Variants in RBPJ observed in about 807,000 individuals in gnomAD.
The protein encoded by RBPJ is recombination signal binding protein for immunoglobulin kappa J region.
RBPJ carries 9 observed loss-of-function variants against 67.8 expected under a neutral mutation model. The observed-to-expected ratio is 0.13, with a 90% CI of 0.08 to 0.23. The LOEUF (loss-of-function observed/expected upper bound fraction) is 0.23. Among genes scored for constraint, RBPJ ranks in the 10% least tolerant of loss-of-function variants. RBPJ has a pLI of 1.00. For synonymous variants in RBPJ, 198 were observed against 203.3 expected (o/e 0.97, Z 0.22); for missense variants, 305 against 595.6 (o/e 0.51, Z 5.08).
chr4:26,338,096 T>TG (rs1725063715), intron 1 of RBPJ, among the ~76,000 whole-genome samples: 1 of 149,112 alleles, frequency 6.7e-6, no homozygotes, highest in African/African-American at 2.5e-5. Context: ...TTTTTTGTTG[T>TG]TTTTTTTTCA....
At chr4:26,116,681 C>A in the RBPJ span, among the ~76,000 whole-genome samples, 1 of 152,206 alleles carries the variant, frequency 6.6e-6, no homozygotes, top group Non-Finnish European at 1.5e-5. Context: ...CTGATCAACC[C>A]ACACAAGGTG....
chr4:26,354,114 G>A (rs1174829313), intron 1 of RBPJ, among the ~76,000 whole-genome samples: 2 of 151,564 alleles, frequency 1.3e-5, no homozygotes, highest in East Asian at 3.9e-4. Flanking sequence ...GTATTTTTTA[G>A]TAGAGACGGG....
the RBPJ span, among the ~76,000 whole-genome samples, chr4:26,132,654 C>G: frequency 6.6e-6 from 1 of 152,198 alleles, no homozygotes; most frequent in African/African-American, 2.4e-5. Context: ...TCTTCGCTGG[C>G]CATAGCCTCA....
intron 1 of RBPJ, among the ~76,000 whole-genome samples, chr4:26,168,693 C>T (rs1716422665): frequency 6.6e-6 from 1 of 152,260 alleles, no homozygotes; most frequent in Non-Finnish European, 1.5e-5. Context: ...TTCTCCCCGT[C>T]ACTTTCAGGT....
At chr4:26,218,920 T>C (rs1718810499) in intron 1 of RBPJ, among the ~76,000 whole-genome samples, 1 of 152,102 alleles carries the variant, frequency 6.6e-6, no homozygotes, top group Admixed American at 6.6e-5. Flanking sequence ...AGGCCTTCTC[T>C]CCAGAGCTCC....
Position 26,282,767 on chromosome 4 carries a change from C to T in RBPJ, c.-166-79679C>T, listed in dbSNP as rs145236637. Among the ~76,000 whole-genome samples, 658 of 152,152 alleles carry T rather than the reference C, an allele frequency of 4.3e-3. 5 individuals carry two copies. Among genetic ancestry groups the T allele is most frequent in the African/African-American group, 0.015 (628 of 41,510 alleles). ...TACTCCTGACCTCAGGTGATCCACC[C>T]ACCTTGGCCTCCCAAAGTGCTGGGA... On this transcript the variant is annotated intron_variant, in intron 1 of 4. Coordinates refer to the RBPJ transcript ENST00000512351.
At chr4:26,269,937 T>A (rs1259241823) in intron 1 of RBPJ, among the ~76,000 whole-genome samples, 1 of 151,924 alleles carries the variant, frequency 6.6e-6, no homozygotes, top group Non-Finnish European at 1.5e-5. Flanking sequence ...AATGAAACAT[T>A]GTGGAAGAAT....
At chr4:26,397,372 C>T (rs1197426430) in intron 2 of RBPJ, among the ~76,000 whole-genome samples, 1 of 152,120 alleles carries the variant, frequency 6.6e-6, no homozygotes, top group Non-Finnish European at 1.5e-5. Context: ...TTGAGCTGAG[C>T]TTTCTGAACC....
intron 1 of RBPJ, among the ~76,000 whole-genome samples, chr4:26,165,451 T>A (rs1437334888): frequency 6.6e-6 from 1 of 152,182 alleles, no homozygotes; most frequent in Non-Finnish European, 1.5e-5. Context: ...AGAATTTCCA[T>A]GAATGAATTA....
intron 1 of RBPJ, among the ~76,000 whole-genome samples, chr4:26,338,648 TCCCTGAAA>T (rs2109387103): frequency 6.6e-6 from 1 of 151,020 alleles, no homozygotes; most frequent in African/African-American, 2.4e-5. Flanking sequence ...CGATCTTGGC[TCCCTGAAA>T]CCTCTGCCTC....
intron 1 of RBPJ, among the ~76,000 whole-genome samples, chr4:26,358,647 G>A (rs1317631041): frequency 6.6e-6 from 1 of 150,482 alleles, no homozygotes; most frequent in Non-Finnish European, 1.5e-5. Flanking sequence ...AGTGGGGTAC[G>A]TGGTGCATGC....
In RBPJ at chr4:26,314,148, ACT is replaced by A. The variant is rs763228539; in HGVS notation, c.-166-48297_-166-48296del. On this transcript the variant is annotated intron_variant, in intron 1 of 4. Transcript: ENST00000512351. The stretch of plus-strand genomic sequence containing the variant: ...ATACGCAAATAAGTATATATATATC[ACT>A]GTTTTGCAGTTTTTTAAACTTTGTG... 3.6e-4 allele frequency among the ~76,000 whole-genome samples: 55 copies of A among 152,062 alleles called. 2 individuals are homozygous for A. The highest frequency in any genetic ancestry group is 6.6e-5 in the Admixed American group (1 of 15,266).
intron 1 of RBPJ, among the ~76,000 whole-genome samples, chr4:26,297,222 G>A (rs758915823): frequency 2.0e-5 from 3 of 152,108 alleles, no homozygotes; most frequent in Non-Finnish European, 2.9e-5. Context: ...CTTGAACCTG[G>A]GAGGTCAAGG....
chr4:26,202,227 A>G (rs1378016830), intron 1 of RBPJ, among the ~76,000 whole-genome samples: 1 of 151,954 alleles, frequency 6.6e-6, no homozygotes, highest in African/African-American at 2.4e-5. Flanking sequence ...ATCATTTCCA[A>G]AGGAATCTCC....
chr4:26,345,365 G>A (rs2109417109), intron 1 of RBPJ, among the ~76,000 whole-genome samples: 1 of 152,300 alleles, frequency 6.6e-6, no homozygotes, highest in South Asian at 2.1e-4. Flanking sequence ...TTTCCCAGTT[G>A]TCATAGATAG....
At chr4:26,330,425 A>G (rs879283046) in intron 1 of RBPJ, among the ~76,000 whole-genome samples, 5 of 152,218 alleles carry the variant, frequency 3.3e-5, no homozygotes, top group African/African-American at 4.8e-5. Flanking sequence ...TTCAGCATAG[A>G]TAGGTTTTTC....
At chr4:26,282,566 G>C (rs1419743921) in intron 1 of RBPJ, among the ~76,000 whole-genome samples, 4 of 151,488 alleles carry the variant, frequency 2.6e-5, no homozygotes, top group Non-Finnish European at 5.9e-5. Context: ...TGTTGCCCAG[G>C]CTGAAGTGCA....
chr4:26,319,646 T>A (rs545085233), upstream of RBPJ: 22 of 614,136 alleles, frequency 3.6e-5, no homozygotes, highest in Non-Finnish European at 5.0e-5. Flanking sequence ...ACGGCCGTGT[T>A]GTGTCTGAGC....
intron 1 of RBPJ, among the ~76,000 whole-genome samples, chr4:26,189,007 T>A (rs993867081): frequency 3.3e-5 from 5 of 152,208 alleles, no homozygotes; most frequent in Non-Finnish European, 7.3e-5. Flanking sequence ...GGCAAGATAG[T>A]CTTTCCTTAA....
Sources: allele counts gnomAD v4.1 joint callset (sites outside exome capture counted in the v4.1 genomes callset), GRCh38; gene constraint gnomAD v4.1.1; transcripts MANE v1.5; gene names NCBI Gene and HGNC (gene_info 2026-07-23, HGNC 2026-07-21).